Variants in ZDHHC14 observed in about 807,000 individuals in gnomAD.
The protein encoded by ZDHHC14 is zDHHC palmitoyltransferase 14.
Under a neutral mutation model 47.7 loss-of-function variants are expected in ZDHHC14, and 16 were observed. The ratio of observed to expected loss-of-function variants is 0.34; its 90% confidence interval spans 0.23 to 0.51. The LOEUF is 0.51. Among genes scored for constraint, ZDHHC14 ranks in the 20% least tolerant of loss-of-function variants. The pLI is 0.97. For missense variants in ZDHHC14, 515 were observed against 662.5 expected (o/e 0.78, Z 2.44); for synonymous variants, 293 against 278.9 (o/e 1.05, Z -0.50).
At chr6:157,595,332 C>T (rs1784085593) in intron 3 of ZDHHC14, among the ~76,000 whole-genome samples, 1 of 151,712 alleles carries the variant, frequency 6.6e-6, no homozygotes, top group African/African-American at 2.4e-5. Flanking sequence ...AGCTGGACTA[C>T]AGGCGTATGT....
At chr6:157,656,932 C>T (rs1446384214) in intron 8 of ZDHHC14, among the ~76,000 whole-genome samples, 1 of 152,144 alleles carries the variant, frequency 6.6e-6, no homozygotes, top group Non-Finnish European at 1.5e-5. Flanking sequence ...TGAGTAAGGA[C>T]CTGCGGCCCT....
At chr6:157,595,489 C>T (rs370343436) in intron 3 of ZDHHC14, among the ~76,000 whole-genome samples, 2 of 151,988 alleles carry the variant, frequency 1.3e-5, no homozygotes, top group Admixed American at 6.6e-5. Context: ...CTGCTCCCGG[C>T]CTAGGCTAGA....
intron 3 of ZDHHC14, among the ~76,000 whole-genome samples, chr6:157,606,005 T>C (rs1784526782): frequency 6.6e-6 from 1 of 152,220 alleles, no homozygotes; most frequent in African/African-American, 2.4e-5. Flanking sequence ...GCAAGATATA[T>C]ATGCTGAGTA....
At chr6:157,515,460 T>TA (rs976247131) in intron 1 of ZDHHC14, among the ~76,000 whole-genome samples, 1 of 143,362 alleles carries the variant, frequency 7.0e-6, no homozygotes, top group African/African-American at 2.6e-5. Flanking sequence ...TCTTTTTCTT[T>TA]TTTTTTTTTT....
intron 2 of ZDHHC14, among the ~76,000 whole-genome samples, chr6:157,550,180 C>T (rs1046428944): frequency 1.3e-5 from 2 of 152,212 alleles, no homozygotes; most frequent in Admixed American, 6.5e-5. Context: ...GTGTGAATTC[C>T]TAAGTTCACA....
intron 1 of ZDHHC14, among the ~76,000 whole-genome samples, chr6:157,483,005 G>A (rs1391097229): frequency 6.6e-6 from 1 of 152,182 alleles, no homozygotes; most frequent in Admixed American, 6.5e-5. Context: ...GCATCCCAAA[G>A]TGCTGGGATT....
chr6:157,647,942 G>A lies in ZDHHC14; in HGVS notation c.965+574G>A, dbSNP rs1033448397. ...CATTAGCCTTTCACAAGCTCACTCTGTACCTATAGGTAGGCACCGTTATAT... is the reference window on the plus strand; with the variant it reads ...CATTAGCCTTTCACAAGCTCACTCTATACCTATAGGTAGGCACCGTTATAT... On this transcript the variant is annotated intron_variant, in intron 7 of 8. Transcript: ENST00000359775. 2.0e-5 allele frequency among the ~76,000 whole-genome samples: 3 copies of A among 152,234 alleles called. No individual in the cohort carries two copies. In the South Asian group the frequency reaches 6.2e-4, roughly 32 times the overall value.
chr6:157,411,750 G>T (rs1486565532), intron 1 of ZDHHC14, among the ~76,000 whole-genome samples: 1 of 74,008 alleles, frequency 1.4e-5, no homozygotes, highest in African/African-American at 4.0e-5. Context: ...GCATGTTCAT[G>T]GTAAAAAAAA....
intron 1 of ZDHHC14, among the ~76,000 whole-genome samples, chr6:157,443,880 G>A (rs749283178): frequency 3.3e-5 from 5 of 152,150 alleles, no homozygotes; most frequent in Non-Finnish European, 7.3e-5. Flanking sequence ...CTAGGGTTCT[G>A]CTTCAGATTA....
At chr6:157,625,665 G>T (rs1336710254) in intron 3 of ZDHHC14, among the ~76,000 whole-genome samples, 1 of 151,972 alleles carries the variant, frequency 6.6e-6, no homozygotes, top group African/African-American at 2.4e-5. Flanking sequence ...GGACTGTGAT[G>T]CTTTCTGACT....
rs1780220791 is a variant in ZDHHC14 at position 157,502,821 on chromosome 6, G to C, written c.246-39764G>C. Among the ~76,000 whole-genome samples, 2 of 152,122 alleles carry C rather than the reference G, an allele frequency of 1.3e-5. No homozygotes were observed. Among genetic ancestry groups the C allele is most frequent in the African/African-American group, 4.8e-5 (2 of 41,408 alleles). ...TTCTCCTGGCTCAGCCTCTCAAGTA[G>C]CTGGGATTACAGGTGCCCATCACCA... On this transcript the variant is annotated intron_variant, in intron 1 of 8. Coordinates refer to ENST00000359775, the MANE Select transcript of ZDHHC14 (RefSeq NM_024630.3). This position sits in a 1 kb window ranked among gnomAD's most constrained non-coding sequence, Gnocchi z 4.0.
chr6:157,448,023 C>T (rs1261129034), intron 1 of ZDHHC14, among the ~76,000 whole-genome samples: 2 of 151,958 alleles, frequency 1.3e-5, no homozygotes, highest in Non-Finnish European at 2.9e-5. Flanking sequence ...AGGCCCGCAC[C>T]ACCACACCTG....
At chr6:157,437,403 C>T (rs188868849) in intron 1 of ZDHHC14, among the ~76,000 whole-genome samples, 1 of 152,358 alleles carries the variant, frequency 6.6e-6, no homozygotes, top group East Asian at 1.9e-4. Context: ...GAGCTGTGCT[C>T]CCGAGTGTCC....
chr6:157,599,054 G>A (rs1784239102), intron 3 of ZDHHC14, among the ~76,000 whole-genome samples: 1 of 152,046 alleles, frequency 6.6e-6, no homozygotes, highest in Non-Finnish European at 1.5e-5. Flanking sequence ...ATAAATCTTG[G>A]GTGACAGAAA....
In ZDHHC14 at chr6:157,653,568, C is replaced by T. The variant is rs367632658; in HGVS notation, c.1009C>T (p.Pro337Ser). 4 of 1,613,868 alleles carry T rather than the reference C, an allele frequency of 2.5e-6. No homozygotes were observed. In the African/African-American group the frequency reaches 5.3e-5, roughly 22 times the overall value. The change falls in exon 8 of 9, where the codon CCA becomes TCA. Residue 337 changes from proline to serine, a missense_variant. By Grantham distance (74) the Pro-to-Ser change is moderately conservative. This residue lies in a region of ZDHHC14 where 221 missense variants were observed against 233.6 expected (regional missense o/e 0.95). Transcript: ENST00000359775. ...GTACATCCAGCCCGACACGCCGCAGCCAGCAGCACCCTCCAATGGCATCAC... is the reference window on the plus strand; with the variant it reads ...GTACATCCAGCCCGACACGCCGCAGTCAGCAGCACCCTCCAATGGCATCAC... ...RGYIQPDTPQ[P>S]AAPSNGITMY...
chr6:157,538,682 A>G (rs1356037183), intron 1 of ZDHHC14, among the ~76,000 whole-genome samples: 1 of 152,186 alleles, frequency 6.6e-6, no homozygotes, highest in Non-Finnish European at 1.5e-5. Context: ...GGAGCAAAGA[A>G]AAACACGGTG....
chr6:157,672,015 C>T (rs989245733), intron 8 of ZDHHC14, among the ~76,000 whole-genome samples: 8 of 152,294 alleles, frequency 5.3e-5, no homozygotes, highest in Middle Eastern at 3.4e-3. Context: ...CTCTTCCTCC[C>T]GCCCCAGCAG....
At chr6:157,646,937 C>G (rs1045069612) in intron 6 of ZDHHC14, among the ~76,000 whole-genome samples, 2 of 152,218 alleles carry the variant, frequency 1.3e-5, no homozygotes, top group African/African-American at 4.8e-5. Context: ...TTTCACCTAC[C>G]ATTCATTTAA....
chr6:157,629,695 T>C (rs905864984), intron 4 of ZDHHC14: 1 of 152,214 alleles, frequency 6.6e-6, no homozygotes, highest in Admixed American at 6.5e-5. Flanking sequence ...ATGTGTAATA[T>C]GTGCTTGAGA....
Sources: gnomAD v4.1 joint callset for allele counts (sites outside exome capture counted in the v4.1 genomes callset) on GRCh38, gnomAD v4.1.1 for gene constraint, gnomAD v4.1.1 regional missense constraint, Gnocchi (gnomAD v3.1) non-coding constraint, MANE v1.5 for transcripts, NCBI Gene and HGNC (gene_info 2026-07-23, HGNC 2026-07-21) for gene names.